AP1M2: variants seen among roughly 807,000 people sequenced by gnomAD.
The protein encoded by AP1M2 is adaptor related protein complex 1 subunit mu 2, also known as AP-1 complex subunit mu-2.
A neutral mutation model predicts 54.6 loss-of-function variants in AP1M2; 41 were observed. The ratio of observed to expected loss-of-function variants is 0.75; its 90% CI spans 0.59 to 0.97. The LOEUF (loss-of-function observed/expected upper bound fraction) is 0.97, where lower values mean the gene tolerates loss of function less well. Ranked by LOEUF, AP1M2 falls within the 50% of genes least tolerant of loss-of-function variation. The pLI is 0.00. For missense variants in AP1M2, 507 were observed against 561.2 expected (o/e 0.90, Z 0.98); for synonymous variants, 219 against 215.9 (o/e 1.01, Z -0.13).
chr19:10,573,899 G>A (rs1338657367), intron 11 of AP1M2, among the ~76,000 whole-genome samples: 3 of 151,868 alleles, frequency 2.0e-5, no homozygotes, highest in Admixed American at 6.6e-5. Flanking sequence ...GAGCTCAAGC[G>A]GTCCTCCCAC....
At chr19:10,579,946 A>G in intron 6 of AP1M2, 88 bp from the exon 7 acceptor site, 1 of 1,336,114 alleles carries the variant, frequency 7.5e-7, no homozygotes, top group Non-Finnish European at 1.0e-6. Context: ...ACTGTCACCT[A>G]TTTCACATAT....
At position 10,581,349 on chromosome 19, in the gene AP1M2, G is replaced by A. The variant is rs540463824; in HGVS notation, c.590C>T (p.Thr197Ile). 2 of 1,613,634 alleles carry A rather than the reference G, an allele frequency of 1.2e-6. No individual in the cohort carries two copies. The highest frequency in any genetic ancestry group is 2.2e-5 in the South Asian group (2 of 91,080). Residue 197 changes from threonine (T) to isoleucine (I), a missense_variant, in exon 6 of 12, where the codon ACC (threonine) becomes ATC (isoleucine). Transcript: ENST00000250244. Reference protein sequence around the residue: ...GSVLLSEIVGTIKLKVFLSGM... With the variant: ...GSVLLSEIVGIIKLKVFLSGM... ...TGACAGAAACACCTTGAGCTTGATG[G>A]TACCGACGATTTCGCTCAGAAGGAC...
At chr19:10,587,097 A>G (rs75323740) in intron 1 of AP1M2, 93 bp downstream of exon 1, 378,796 of 1,390,254 alleles carry the variant, frequency 0.27, 55,940 homozygotes, top group Non-Finnish European at 0.31. Flanking sequence ...GTGTTCCCAG[A>G]CCTCTTCCTG....
rs1346781237 is a variant in AP1M2 at position 10,587,213 on chromosome 19, A to G, written c.19T>C (p.Phe7Leu). 1.3e-6 allele frequency: 2 copies of G among 1,562,690 alleles called. No individual in the cohort carries two copies. The highest frequency in any genetic ancestry group is 1.7e-6 in the Non-Finnish European group (2 of 1,153,606). ...ACCTTGCCCTTAACGTCCAGAATGA[A>G]GACAGCCGAGGCGGACATGGTGGCG... MSASAV[F>L]ILDVKGKPLI... The change falls in exon 1 of 12, where the codon TTC (phenylalanine) becomes CTC (leucine). Residue 7 changes from phenylalanine (F) to leucine (L), a missense_variant. Physicochemically the swap from Phe to Leu is conservative, Grantham distance 22. Transcript: ENST00000250244.
rs1046194963 is a variant in AP1M2, at chr19:10,583,498, G to A, written c.267+108C>T. ...AGAAAAAAAAAAAAGGGAAGACCCA[G>A]GGAGATCTGGGAAGGCTTCCTATCA... On this transcript the variant is annotated intron_variant, in intron 3 of 11. Coordinates refer to ENST00000250244, the MANE Select transcript of AP1M2 (RefSeq NM_005498.5). The A allele has an allele frequency of 4.8e-6, 4 of 837,824 alleles. No individual in the cohort carries two copies. The African/African-American group carries it at 6.8e-5, about 14-fold the overall frequency. The allele number at this position is 837,824 out of a possible 1,614,324, so 51.9% of individuals were successfully genotyped here.
rs200197425 is a variant in AP1M2, at chr19:10,573,134, G to C, written c.1250-46C>G. 7.7e-4 allele frequency: 1,184 copies of C among 1,533,724 alleles called. 2 individuals are homozygous for C. Among genetic ancestry groups the C allele is most frequent in the Non-Finnish European group, 9.7e-4 (1,094 of 1,129,898 alleles). On this transcript the variant is annotated intron_variant, in intron 11 of 11. Transcript: ENST00000250244. ...GGGGCCATCTCAGAAATGGGGAGAGGGGGGCCGGGCACGGTGACTCACGCT... is the reference window on the plus strand; with the variant it reads ...GGGGCCATCTCAGAAATGGGGAGAGCGGGGCCGGGCACGGTGACTCACGCT...
rs1253300747 is a variant in AP1M2 at position 10,572,973 on chromosome 19, C to T, written c.*93G>A. The T allele has an allele frequency of 1.3e-5, 18 of 1,376,794 alleles. No individual in the cohort carries two copies. Among genetic ancestry groups the T allele is most frequent in the Non-Finnish European group, 1.8e-5 (18 of 990,116 alleles). The allele number at this position is 1,376,794 out of a possible 1,614,324, so 85.3% of individuals were successfully genotyped here. A position where few individuals can be genotyped will look rare whatever the true frequency, so the allele number is the denominator to read the frequency against. The stretch of plus-strand genomic sequence containing the variant: ...GCCAAGTCCAGGACCTGCCCTCACA[C>T]AGACACACACAGCCCGCACCTGCCC... On this transcript the variant is annotated 3_prime_UTR_variant, in exon 12 of 12. Transcript: ENST00000250244.
chr19:10,577,540 TCTC>T (rs1376844674), intron 8 of AP1M2, among the ~76,000 whole-genome samples, 184 bp from the exon 9 acceptor site: 1 of 140,524 alleles, frequency 7.1e-6, no homozygotes, highest in Non-Finnish European at 1.5e-5. Flanking sequence ...TTCACGCCAT[TCTC>T]CTACCTCAGC....
chr19:10,580,810 A>G (rs565130709), intron 6 of AP1M2, among the ~76,000 whole-genome samples: 1 of 151,898 alleles, frequency 6.6e-6, no homozygotes, highest in Non-Finnish European at 1.5e-5. Flanking sequence ...TAAAAAATTT[A>G]AAAAGTAGGT....
chr19:10,578,133 G>A (rs1917307529), intron 8 of AP1M2, among the ~76,000 whole-genome samples: 1 of 152,170 alleles, frequency 6.6e-6, no homozygotes, highest in South Asian at 2.1e-4. Context: ...GTGGGCCTGA[G>A]TTCTAACAGT....
chr19:10,583,547 G>C (rs372665961), intron 3 of AP1M2, 59 bp downstream of exon 3: 40 of 1,314,482 alleles, frequency 3.0e-5, no homozygotes, highest in Non-Finnish European at 4.0e-5. Flanking sequence ...AATCTTGAAA[G>C]AGGCGGGCAA....
chr19:10,579,645 C>A, intron 7 of AP1M2, 71 bp downstream of exon 7: 1 of 1,501,652 alleles, frequency 6.7e-7, no homozygotes, highest in Non-Finnish European at 8.9e-7. Flanking sequence ...TGAGCCACTG[C>A]GCTGGGCCCA....
At chr19:10,586,453 TAAAAAA>T (rs59380384) in intron 1 of AP1M2, among the ~76,000 whole-genome samples, 7 of 119,696 alleles carry the variant, frequency 5.8e-5, no homozygotes, top group African/African-American at 1.3e-4. Context: ...AGACTCTATT[TAAAAAA>T]AAAAAAAAAA....
intron 8 of AP1M2, 138 bp from the exon 9 acceptor site, chr19:10,577,494 C>T (rs1054668886): frequency 9.8e-6 from 9 of 915,526 alleles, no homozygotes; most frequent in Non-Finnish European, 1.3e-5. Context: ...AGTGCAGTGG[C>T]GCGATCTCGG....
intron 1 of AP1M2, among the ~76,000 whole-genome samples, chr19:10,586,256 C>T (rs1413763341): frequency 2.6e-5 from 4 of 151,166 alleles, no homozygotes; most frequent in Non-Finnish European, 5.9e-5. Flanking sequence ...GCACTCCAGC[C>T]TGGGTGACAA....
chr19:10,579,614 A>G, intron 7 of AP1M2, 102 bp downstream of exon 7: 1 of 1,359,834 alleles, frequency 7.4e-7, no homozygotes, highest in East Asian at 2.5e-5. Context: ...TCAGCCTCCA[A>G]AATTGTTGGG....
At chr19:10,583,569 G>A (rs373937305) in intron 3 of AP1M2, 37 bp downstream of exon 3, 93 of 1,509,584 alleles carry the variant, frequency 6.2e-5, no homozygotes, top group Non-Finnish European at 7.5e-5. Flanking sequence ...AGGGATAGAC[G>A]GATAGACCAG....
intron 4 of AP1M2, 40 bp downstream of exon 4, chr19:10,581,708 C>T: frequency 6.2e-7 from 1 of 1,611,806 alleles, no homozygotes; most frequent in Non-Finnish European, 8.5e-7. Flanking sequence ...TTCCTTACAC[C>T]CACAGTCCAG....
At chr19:10,583,823 C>T in intron 2 of AP1M2, 91 bp downstream of exon 2, 1 of 1,509,834 alleles carries the variant, frequency 6.6e-7, no homozygotes. Context: ...GGTGCAACTC[C>T]TGTCCTCAGC....
Sources: allele counts gnomAD v4.1 joint callset (sites outside exome capture counted in the v4.1 genomes callset), GRCh38; gene constraint gnomAD v4.1.1; transcripts MANE v1.5; gene names NCBI Gene and HGNC (gene_info 2026-07-23, HGNC 2026-07-21).